The following ZBED4 variants were observed in gnomAD, a reference collection of about 807,000 sequenced individuals.
ZBED4 encodes zinc finger BED-type containing 4, also known as zinc finger BED domain-containing protein 4.
In ZBED4, 4 loss-of-function variants were observed where a neutral mutation model predicts 15.5. That is an observed-to-expected ratio of 0.26 (90% CI 0.13 to 0.59). The LOEUF is 0.59. Ranked by LOEUF, ZBED4 falls within the 20% of genes least tolerant of loss-of-function variation. ZBED4 has a pLI of 0.90. For missense variants in ZBED4, 1,323 were observed against 1,461.8 expected (o/e 0.91, Z 1.55); for synonymous variants, 692 against 608.5 (o/e 1.14, Z -2.02).
intron 1 of ZBED4, among the ~76,000 whole-genome samples, chr22:49,878,811 A>G (rs752959205): frequency 1.5e-4 from 23 of 152,084 alleles, no homozygotes; most frequent in Non-Finnish European, 2.9e-4. Context: ...CAGCCTGGCA[A>G]ACATGCTGAA....
chr22:49,870,261 A>G (rs913821190), intron 1 of ZBED4, among the ~76,000 whole-genome samples: 7 of 152,158 alleles, frequency 4.6e-5, no homozygotes, highest in Non-Finnish European at 1.0e-4. Flanking sequence ...TGTCTTTGCT[A>G]TTGTAAATAG....
chr22:49,877,848 G>T (rs920903831), intron 1 of ZBED4, among the ~76,000 whole-genome samples: 4 of 152,028 alleles, frequency 2.6e-5, no homozygotes, highest in Admixed American at 2.0e-4. Context: ...CTGCCCTTTG[G>T]CCTCCCGCAC....
At chr22:49,861,262 C>T (rs1055160908) in intron 1 of ZBED4, among the ~76,000 whole-genome samples, 3 of 151,662 alleles carry the variant, frequency 2.0e-5, no homozygotes, top group African/African-American at 7.3e-5. Context: ...GTGCCTCAGC[C>T]TCCTGAGTAG....
In ZBED4 at chr22:49,864,839, A is replaced by AAAAAAAAAAAAG. The variant is rs1555922729; in HGVS notation, c.-330+10850_-330+10851insAAAAAAAAAAAG. ...TGTCTCCAAAAAAAAAAAAAAAAAA[A>AAAAAAAAAAAAG]GCCCTGATTAAACCGTCGTAGAGCT... On this transcript the variant is annotated intron_variant, in intron 1 of 1. Coordinates refer to ENST00000216268, the MANE Select transcript of ZBED4 (RefSeq NM_014838.3). Among the ~76,000 whole-genome samples the AAAAAAAAAAAAG allele has an allele frequency of 3.0e-5, 4 of 133,112 alleles. 1 individual carries two copies. Among genetic ancestry groups the AAAAAAAAAAAAG allele is most frequent in the African/African-American group, 1.5e-4 (4 of 27,326 alleles). 87.3% of individuals were successfully genotyped at this position (133,112 alleles called of 152,430 possible).
chr22:49,879,983 G>A (rs911511390), intron 1 of ZBED4, among the ~76,000 whole-genome samples: 4 of 150,954 alleles, frequency 2.6e-5, no homozygotes, highest in African/African-American at 7.3e-5. Context: ...GTTTTCTCCC[G>A]CTTCATCGCA....
At position 49,889,594 on chromosome 22, in the gene ZBED4, T is replaced by TA. The variant is rs1313087738; in HGVS notation, c.*2417dup. ...AGGGCTTGCTTTACTCAACAGAAAA[T>TA]ATGGCCCTTCCTGAATGACACTAGG... On this transcript the variant is annotated 3_prime_UTR_variant, in exon 2 of 2. Transcript: ENST00000216268. 1 of 167,144 alleles carries TA rather than the reference T, an allele frequency of 6.0e-6. No homozygotes were observed. The highest frequency in any genetic ancestry group is 1.5e-5 in the Non-Finnish European group (1 of 68,110). The allele number at this position is 167,144 out of a possible 1,614,324, so 10.4% of individuals were successfully genotyped here. A position where few individuals can be genotyped will look rare whatever the true frequency, so the allele number is the denominator to read the frequency against.
chr22:49,877,365 C>T (rs377491869), intron 1 of ZBED4, among the ~76,000 whole-genome samples: 2 of 152,052 alleles, frequency 1.3e-5, no homozygotes, highest in African/African-American at 2.4e-5. Context: ...GATCTCAGCT[C>T]ACTGCAACCT....
Position 49,886,735 on chromosome 22 carries a change from T to C in ZBED4, c.3073T>C (p.Tyr1025His). 6.2e-7 allele frequency: 1 copy of C among 1,613,182 alleles called. No individual in the cohort carries two copies. The highest frequency in any genetic ancestry group is 1.1e-5 in the South Asian group (1 of 91,008). Residue 1025 changes from tyrosine (Y) to histidine (H), a missense_variant, in exon 2 of 2, where the codon TAC becomes CAC. Coordinates refer to ENST00000216268, the MANE Select transcript of ZBED4 (RefSeq NM_014838.3). This position sits in a 1 kb window ranked among gnomAD's most constrained non-coding sequence, Gnocchi z 7.7. ...SLFTEEEAEQ[Y>H]KQDLIRELEL... ...GTTTACGGAGGAGGAGGCGGAGCAG[T>C]ACAAACAGGATTTAATCAGGGAACT...
chr22:49,884,090 T>A lies in ZBED4; in HGVS notation c.428T>A (p.Phe143Tyr). 6.2e-7 allele frequency: 1 copy of A among 1,612,712 alleles called. No individual in the cohort carries two copies. ...KAICMYCVKE[F>Y]SRGKNEKDLS... ...ATATGCATGTACTGTGTGAAGGAGTTCAGCAGAGGCAAAAACGAGAAAGAC... is the reference window on the plus strand; with the variant it reads ...ATATGCATGTACTGTGTGAAGGAGTACAGCAGAGGCAAAAACGAGAAAGAC... The change falls in exon 2 of 2, where the codon TTC becomes TAC. Residue 143 changes from phenylalanine (F) to tyrosine (Y), a missense_variant. Transcript: ENST00000216268.
chr22:49,859,113 T>G (rs1203185453), intron 1 of ZBED4, among the ~76,000 whole-genome samples: 1 of 152,138 alleles, frequency 6.6e-6, no homozygotes, highest in Non-Finnish European at 1.5e-5. Flanking sequence ...TGTTTGCTGG[T>G]CTCCCCAGAA....
rs772533881 is a variant in ZBED4 at position 49,886,437 on chromosome 22, C to T, written c.2775C>T (p.Asp925=). ...ECNFRELISC[D]QWEVMQSVCR... is the part of the protein sequence containing the mutation. The stretch of plus-strand genomic sequence containing the variant: ...ACTTCCGAGAGCTGATCAGCTGCGA[C>T]CAGTGGGAGGTCATGCAGTCCGTGT... The change falls in exon 2 of 2, where the codon GAC becomes GAT. Residue 925 remains aspartate (D), a synonymous_variant. Coordinates refer to ENST00000216268, the MANE Select transcript of ZBED4 (RefSeq NM_014838.3). This position sits in a 1 kb window ranked among gnomAD's most constrained non-coding sequence, Gnocchi z 7.7. 1 of 1,583,396 alleles carries T rather than the reference C, an allele frequency of 6.3e-7. No individual in the cohort carries two copies. Among genetic ancestry groups the T allele is most frequent in the Admixed American group, 1.8e-5 (1 of 56,992 alleles).
At chr22:49,874,672 CTTTTTTTTTT>C (rs10636316) in intron 1 of ZBED4, among the ~76,000 whole-genome samples, 4 of 37,314 alleles carry the variant, frequency 1.1e-4, no homozygotes, top group East Asian at 2.1e-3. Flanking sequence ...CATGCCCAGC[CTTTTTTTTTT>C]TTTTTTTTTT....
rs1229692096 is a variant in ZBED4 at position 49,885,557 on chromosome 22, G to T, written c.1895G>T (p.Gly632Val). 2.5e-6 allele frequency: 4 copies of T among 1,604,686 alleles called. No individual in the cohort carries two copies. The highest frequency in any genetic ancestry group is 3.4e-5 in the Admixed American group (2 of 59,422). Residue 632 changes from glycine (G) to valine (V), a missense_variant, in exon 2 of 2, where the codon GGC becomes GTC. By Grantham distance (109) the Gly-to-Val change is moderately radical. Coordinates refer to ENST00000216268, the MANE Select transcript of ZBED4 (RefSeq NM_014838.3). ...TCTCCGGACACCCGGGTGCCGCGGGGCACAGAATTATCAGGCGCTTCCTCT... is the reference window on the plus strand; with the variant it reads ...TCTCCGGACACCCGGGTGCCGCGGGTCACAGAATTATCAGGCGCTTCCTCT... ...PSSPDTRVPR[G>V]TELSGASSFD...
At chr22:49,872,215 C>A (rs992869475) in intron 1 of ZBED4, among the ~76,000 whole-genome samples, 21 of 152,174 alleles carry the variant, frequency 1.4e-4, no homozygotes, top group African/African-American at 4.3e-4. Flanking sequence ...ATTCCAAAAT[C>A]TTTATTGTCA....
chr22:49,857,271 G>A (rs1342094707), intron 1 of ZBED4, among the ~76,000 whole-genome samples: 2 of 152,226 alleles, frequency 1.3e-5, no homozygotes, highest in Non-Finnish European at 2.9e-5. Flanking sequence ...CCATAGCTGC[G>A]ATGTCAGGCC....
At chr22:49,867,652 G>A (rs2060328326) in intron 1 of ZBED4, among the ~76,000 whole-genome samples, 1 of 152,180 alleles carries the variant, frequency 6.6e-6, no homozygotes, top group South Asian at 2.1e-4. Flanking sequence ...AGTGATACCT[G>A]TTGGCTACTT....
At chr22:49,864,276 C>T (rs1049754475) in intron 1 of ZBED4, among the ~76,000 whole-genome samples, 2 of 152,210 alleles carry the variant, frequency 1.3e-5, no homozygotes, top group East Asian at 3.8e-4. Context: ...ATTGGAATAT[C>T]GCATAATGTC....
Position 49,883,652 on chromosome 22 carries a change from TA to T in ZBED4, c.-10del, listed in dbSNP as rs772204674. The T allele has an allele frequency of 6.5e-7, 1 of 1,546,476 alleles. No individual in the cohort carries two copies. Among genetic ancestry groups the T allele is most frequent in the Non-Finnish European group, 8.8e-7 (1 of 1,139,782 alleles). ...GAACCTAAGATACAGCCGGAGTAGT[TA>T]TGGTCAGTCATGGAGAATAACTTGA... On this transcript the variant is annotated 5_prime_UTR_variant, in exon 2 of 2. It removes an upstream start codon present in the reference 5' UTR. Transcript: ENST00000216268.
At chr22:49,859,795 G>T (rs1375226432) in intron 1 of ZBED4, among the ~76,000 whole-genome samples, 1 of 152,318 alleles carries the variant, frequency 6.6e-6, no homozygotes, top group Non-Finnish European at 1.5e-5. Context: ...GGAGGCTGAG[G>T]TGGGGAGACC....
Sources: gnomAD v4.1 joint callset for allele counts (sites outside exome capture counted in the v4.1 genomes callset) on GRCh38, gnomAD v4.1.1 for gene constraint, Gnocchi (gnomAD v3.1) non-coding constraint, MANE v1.5 for transcripts, NCBI Gene and HGNC (gene_info 2026-07-23, HGNC 2026-07-21) for gene names.